FHOD1: variants seen among roughly 807,000 people sequenced by gnomAD.
FHOD1 encodes the protein formin homology 2 domain containing 1.
In FHOD1, 89 loss-of-function variants were observed where a neutral mutation model predicts 111.6. The ratio of observed to expected loss-of-function variants is 0.80; its 90% CI spans 0.67 to 0.95. The LOEUF is 0.95. FHOD1 is among the 40% of genes least tolerant of loss of function. FHOD1 has a pLI of 0.00. For synonymous variants in FHOD1, 618 were observed against 639.0 expected, an observed-to-expected ratio of 0.97 and a Z score of 0.50; for missense variants, 1,446 against 1,554.2, an observed-to-expected ratio of 0.93 and a Z score of 1.17.
rs1343899040 is a variant in FHOD1, at chr16:67,231,111, A to AAGGGGGAGGAGCC, written c.2667+64_2667+76dup. On this transcript the variant is annotated intron_variant, in intron 17 of 21. Coordinates refer to ENST00000258201, the MANE Select transcript of FHOD1 (RefSeq NM_013241.3). This position sits in a 1 kb window ranked among gnomAD's most constrained non-coding sequence, Gnocchi z 4.3. ...CTGGCACAGCAGCCCAAATGGGGAG[A>AAGGGGGAGGAGCC]AGGGGGAGGAGCCAGGCCCAGGAAG... 1 of 1,558,848 alleles carries AAGGGGGAGGAGCC rather than the reference A, an allele frequency of 6.4e-7. No homozygotes were observed. The highest frequency in any genetic ancestry group is 2.3e-5 in the East Asian group (1 of 44,380).
rs753689172 is a variant in FHOD1 at position 67,234,250 on chromosome 16, C to A, written c.1453G>T (p.Asp485Tyr). ...GGHPDARQLW[D>Y]SPETAPAART... ...GCTGCAGGGGCTGTCTCTGGGGAGT[C>A]CCAGAGTTGCCGGGCATCTAAAGAA... The change falls in exon 13 of 22, where the codon GAC (aspartate) becomes TAC (tyrosine). Residue 485 changes from aspartate (D) to tyrosine (Y), a missense_variant. Physicochemically the swap from Asp to Tyr is radical, Grantham distance 160. This residue lies in a region of FHOD1 where 1,085 missense variants were observed against 1,108.8 expected (regional missense o/e 0.98). Coordinates refer to ENST00000258201, the MANE Select transcript of FHOD1 (RefSeq NM_013241.3). 4 of 1,559,076 alleles carry A rather than the reference C, an allele frequency of 2.6e-6. No individual in the cohort carries two copies. Among genetic ancestry groups the A allele is most frequent in the Non-Finnish European group, 3.5e-6 (4 of 1,149,132 alleles).
Position 67,231,405 on chromosome 16 carries a change from C to G in FHOD1, c.2505+25G>C. The G allele has an allele frequency of 1.9e-6, 3 of 1,613,582 alleles. No individual in the cohort carries two copies. Among genetic ancestry groups the G allele is most frequent in the Non-Finnish European group, 2.5e-6 (3 of 1,179,884 alleles). ...GTTGGCTCCAGAACCCTGACTCCCC[C>G]TAGTCCCCATGTACTCTCACTCACC... On this transcript the variant is annotated intron_variant, in intron 16 of 21. Coordinates refer to ENST00000258201, the MANE Select transcript of FHOD1 (RefSeq NM_013241.3). The surrounding 1 kb of genome is among the most constrained non-coding windows in gnomAD (Gnocchi z 4.3).
rs766696745 is a variant in FHOD1 at position 67,231,803 on chromosome 16, A to G, written c.2219T>C (p.Met740Thr). ...CTTCTGCCGCTCTTCCTCCGTGGGC[A>G]TCATGGTCAGTAGCTTCTGAGGATG... is the stretch of plus-strand genomic sequence containing the variant. The part of the protein sequence containing the change: ...KDGIEKLLTM[M>T]PTEEERQKIE... Residue 740 changes from methionine to threonine, a missense_variant, in exon 15 of 22, where the codon ATG (methionine) becomes ACG (threonine). Met to Thr is a moderately conservative substitution (Grantham distance 81, BLOSUM62 -1). Coordinates refer to ENST00000258201, the MANE Select transcript of FHOD1 (RefSeq NM_013241.3). The surrounding 1 kb of genome is among the most constrained non-coding windows in gnomAD (Gnocchi z 4.3). The G allele has an allele frequency of 2.5e-6, 4 of 1,613,980 alleles. No homozygotes were observed. In the African/African-American group the frequency reaches 4.0e-5, roughly 16 times the overall value.
At position 67,229,832 on chromosome 16, in the gene FHOD1, C is replaced by T. The variant is rs941911219; in HGVS notation, c.3373G>A (p.Ala1125Thr). Residue 1125 changes from alanine (A) to threonine (T), a missense_variant, in exon 21 of 22, where the codon GCT becomes ACT. By Grantham distance (58) the Ala-to-Thr change is moderately conservative (BLOSUM62 0). Transcript: ENST00000258201. ...CCGCGGGAACGCTTGCGTTCCCTAG[C>T]AGCTAAGGCACGAGGACTGCTCTTG... is the stretch of plus-strand genomic sequence containing the variant. ...VTKSSPRALA[A>T]RERKRSRGNR... 9.3e-6 allele frequency: 15 copies of T among 1,614,098 alleles called. No individual in the cohort carries two copies. The highest frequency in any genetic ancestry group is 3.3e-5 in the South Asian group (3 of 91,092).
Position 67,237,951 on chromosome 16 carries a change from C to T in FHOD1, c.642+83G>A. The T allele has an allele frequency of 1.4e-6, 2 of 1,481,278 alleles. No homozygotes were observed. Among genetic ancestry groups the T allele is most frequent in the Non-Finnish European group, 1.9e-6 (2 of 1,066,220 alleles). 91.8% of individuals were successfully genotyped at this position (1,481,278 alleles called of 1,614,324 possible). The stretch of plus-strand genomic sequence containing the variant: ...CAGAGGCCTCAGACTCACTCCCTTC[C>T]AGCTCACTTTGCAGAACAGGAAACT... On this transcript the variant is annotated intron_variant, in intron 6 of 21. Coordinates refer to ENST00000258201, the MANE Select transcript of FHOD1 (RefSeq NM_013241.3). The surrounding 1 kb of genome is among the most constrained non-coding windows in gnomAD (Gnocchi z 5.6).
At position 67,231,837 on chromosome 16, in the gene FHOD1, G is replaced by T; in HGVS notation, c.2203-18C>A. On this transcript the variant is annotated intron_variant, in intron 14 of 21. Coordinates refer to ENST00000258201, the MANE Select transcript of FHOD1 (RefSeq NM_013241.3). This position sits in a 1 kb window ranked among gnomAD's most constrained non-coding sequence, Gnocchi z 4.3. Reference sequence around the variant, plus strand: ...AGTAGCTTCTGAGGATGTAGCCAGAGCCTGACATGGCCCCCTCAATGCAGG... The same window carrying T: ...AGTAGCTTCTGAGGATGTAGCCAGATCCTGACATGGCCCCCTCAATGCAGG... 3 of 1,609,754 alleles carry T rather than the reference G, an allele frequency of 1.9e-6. No individual in the cohort carries two copies. The highest frequency in any genetic ancestry group is 2.5e-6 in the Non-Finnish European group (3 of 1,177,556).
At chr16:67,244,754 C>T (rs2034764608) in intron 1 of FHOD1, among the ~76,000 whole-genome samples, 1 of 152,146 alleles carries the variant, frequency 6.6e-6, no homozygotes, top group Admixed American at 6.5e-5. Context: ...TTGGCTGTGT[C>T]CTGTCCTCTG....
rs1320140209 is a variant in FHOD1, at chr16:67,236,640, G to T, written c.1236C>A (p.Ser412=). ...GPASSPVGPP[S]GLQASVNLFP... is the part of the protein sequence containing the mutation. ...AAAGGTTCACTGAAGCTTGGAGACCGGAGGGAGGGCCCACAGGGCTGGAGG... is the reference window on the plus strand; with the variant it reads ...AAAGGTTCACTGAAGCTTGGAGACCTGAGGGAGGGCCCACAGGGCTGGAGG... Residue 412 remains serine (S), a synonymous_variant, in exon 11 of 22, where the codon TCC becomes TCA. Transcript: ENST00000258201. 1 of 1,612,728 alleles carries T rather than the reference G, an allele frequency of 6.2e-7. No individual in the cohort carries two copies. Among genetic ancestry groups the T allele is most frequent in the Non-Finnish European group, 8.5e-7 (1 of 1,179,536 alleles).
In FHOD1 at chr16:67,229,471, C is replaced by A; in HGVS notation, c.*165G>T. On this transcript the variant is annotated 3_prime_UTR_variant, in exon 22 of 22. Transcript: ENST00000258201. ...GCACATGCATATGCATGCACACACA[C>A]ACATACACACACACTCACATGCATA... is the stretch of plus-strand genomic sequence containing the variant. 1.5e-6 allele frequency: 1 copy of A among 659,234 alleles called. No homozygotes were observed. Among genetic ancestry groups the A allele is most frequent in the Non-Finnish European group, 2.7e-6 (1 of 363,706 alleles). The allele number at this position is 659,234 out of a possible 1,614,324, so 40.8% of individuals were successfully genotyped here. A position where few individuals can be genotyped will look rare whatever the true frequency, so the allele number is the denominator to read the frequency against.
Position 67,247,243 on chromosome 16 carries a change from G to A in FHOD1, c.168C>T (p.Pro56=). ...GCGCTCCCAGCAGGCGGTGCACCGC[G>A]GGTATCTGCGCGCCCAAGGGCAGCG... ...DGALPLGAQI[P]AVHRLLGAPL... The change falls in exon 1 of 22, where the codon CCC becomes CCT. Residue 56 remains proline (P), a synonymous_variant. Transcript: ENST00000258201. 1 of 1,605,278 alleles carries A rather than the reference G, an allele frequency of 6.2e-7. No homozygotes were observed. Among genetic ancestry groups the A allele is most frequent in the East Asian group, 2.2e-5 (1 of 44,478 alleles).
At position 67,234,167 on chromosome 16, in the gene FHOD1, T is replaced by A; in HGVS notation, c.1536A>T (p.Ala512=). The A allele has an allele frequency of 6.4e-7, 1 of 1,555,372 alleles. No individual in the cohort carries two copies. ...CVLLRAQRSL[A]PEPKEPLIPA... ...GTATCAGTGGCTCCTTGGGCTCTGG[T>A]GCAAGGCTTCGCTGGGCCCGGAGCA... is the stretch of plus-strand genomic sequence containing the variant. Residue 512 remains alanine, a synonymous_variant, in exon 13 of 22, where the codon GCA becomes GCT. Coordinates refer to ENST00000258201, the MANE Select transcript of FHOD1 (RefSeq NM_013241.3).
chr16:67,233,650 G>A lies in FHOD1; in HGVS notation c.2046+7C>T, dbSNP rs758867537. 2 of 1,585,026 alleles carry A rather than the reference G, an allele frequency of 1.3e-6. No homozygotes were observed. The highest frequency in any genetic ancestry group is 2.3e-5 in the East Asian group (1 of 44,222). On this transcript the variant is annotated splice_region_variant and intron_variant, in intron 13 of 21. Coordinates refer to ENST00000258201, the MANE Select transcript of FHOD1 (RefSeq NM_013241.3). The stretch of plus-strand genomic sequence containing the variant: ...CTTGGGGCTACCTTGCAGATGAGTG[G>A]ATTTACCTTGGAGGGCAGCACCTCT...
At position 67,231,824 on chromosome 16, in the gene FHOD1, G is replaced by A; in HGVS notation, c.2203-5C>T. ...GGGCATCATGGTCAGTAGCTTCTGA[G>A]GATGTAGCCAGAGCCTGACATGGCC... On this transcript the variant is annotated splice_region_variant and splice_polypyrimidine_tract_variant and intron_variant, in intron 14 of 21. Coordinates refer to ENST00000258201, the MANE Select transcript of FHOD1 (RefSeq NM_013241.3). The surrounding 1 kb of genome is among the most constrained non-coding windows in gnomAD (Gnocchi z 4.3). 1 of 1,613,084 alleles carries A rather than the reference G, an allele frequency of 6.2e-7. No individual in the cohort carries two copies. Among genetic ancestry groups the A allele is most frequent in the African/African-American group, 1.3e-5 (1 of 75,040 alleles).
Position 67,232,055 on chromosome 16 carries a change from C to G in FHOD1, c.2186G>C (p.Ser729Thr), listed in dbSNP as rs1298457316. Residue 729 changes from serine to threonine, a missense_variant, in exon 14 of 22, where the codon AGC (serine) becomes ACC (threonine). This residue lies in a region of FHOD1 where 1,085 missense variants were observed against 1,108.8 expected (regional missense o/e 0.98). Coordinates refer to ENST00000258201, the MANE Select transcript of FHOD1 (RefSeq NM_013241.3). ...ALLNFDEFAV[S>T]KDGIEKLLTM... ...TGACCTCACCTCAATGCCATCCTTGCTGACAGCAAACTCATCAAAGTTGAG... is the reference window on the plus strand; with the variant it reads ...TGACCTCACCTCAATGCCATCCTTGGTGACAGCAAACTCATCAAAGTTGAG... The G allele has an allele frequency of 1.2e-6, 2 of 1,614,226 alleles. No homozygotes were observed. The highest frequency in any genetic ancestry group is 1.7e-6 in the Non-Finnish European group (2 of 1,180,030).
chr16:67,232,157 A>G lies in FHOD1; in HGVS notation c.2084T>C (p.Leu695Pro). 6.2e-7 allele frequency: 1 copy of G among 1,614,202 alleles called. No individual in the cohort carries two copies. Among genetic ancestry groups the G allele is most frequent in the Non-Finnish European group, 8.5e-7 (1 of 1,180,038 alleles). Residue 695 changes from leucine to proline, a missense_variant, in exon 14 of 22, where the codon CTG becomes CCG. Around this residue, in one of 3 missense-constraint regions of FHOD1, gnomAD observed 1,085 missense variants for 1,108.8 expected, o/e 0.98. Coordinates refer to ENST00000258201, the MANE Select transcript of FHOD1 (RefSeq NM_013241.3). ...GATGGCGTTGCTGCGCTTGGGGTCC[A>G]GCACTGTGGTCATTGTCCGGCGGCC... ...GEGRRTMTTV[L>P]DPKRSNAINI...
Position 67,238,177 on chromosome 16 carries a change from G to T in FHOD1, c.547+25C>A, listed in dbSNP as rs1276461173. On this transcript the variant is annotated intron_variant, in intron 5 of 21. Transcript: ENST00000258201. This position sits in a 1 kb window ranked among gnomAD's most constrained non-coding sequence, Gnocchi z 4.2. ...GTCAGCGAGGGTCGCTGGAGCAGAG[G>T]TCATGGGAGAGGGGCGGGGCTGACC... 1 of 1,614,050 alleles carries T rather than the reference G, an allele frequency of 6.2e-7. No homozygotes were observed. Among genetic ancestry groups the T allele is most frequent in the African/African-American group, 1.3e-5 (1 of 75,054 alleles).
In FHOD1 at chr16:67,238,817, C is replaced by T; in HGVS notation, c.373+86G>A. 2 of 1,334,742 alleles carry T rather than the reference C, an allele frequency of 1.5e-6. No homozygotes were observed. Among genetic ancestry groups the T allele is most frequent in the Non-Finnish European group, 2.2e-6 (2 of 925,944 alleles). 82.7% of individuals were successfully genotyped at this position (1,334,742 alleles called of 1,614,324 possible). A position where few individuals can be genotyped will look rare whatever the true frequency, so the allele number is the denominator to read the frequency against. ...AGCACATACAGCTAAACCTACTTTG[C>T]TCACTGTTCAGCACAGGCCTGAAGG... On this transcript the variant is annotated intron_variant, in intron 3 of 21. Transcript: ENST00000258201. The surrounding 1 kb of genome is among the most constrained non-coding windows in gnomAD (Gnocchi z 4.2).
In FHOD1 at chr16:67,247,228, C is replaced by T. The variant is rs200828057; in HGVS notation, c.183G>A (p.Leu61=). 2 of 1,594,798 alleles carry T rather than the reference C, an allele frequency of 1.3e-6. No homozygotes were observed. Among genetic ancestry groups the T allele is most frequent in the Admixed American group, 3.5e-5 (2 of 57,908 alleles). The change falls in exon 1 of 22, where the codon CTG becomes CTA. Residue 61 remains leucine (L), a synonymous_variant. Coordinates refer to ENST00000258201, the MANE Select transcript of FHOD1 (RefSeq NM_013241.3). ...CCCTCACCTTGAGCGGCGCTCCCAG[C>T]AGGCGGTGCACCGCGGGTATCTGCG... ...LGAQIPAVHR[L]LGAPLKLEDC...
At chr16:67,236,271 A>C in intron 11 of FHOD1, 1 of 863,832 alleles carries the variant, frequency 1.2e-6, no homozygotes, top group East Asian at 4.0e-5. Flanking sequence ...AGACAGAGGC[A>C]GCAGAACAAG....
Sources: allele counts gnomAD v4.1 joint callset (sites outside exome capture counted in the v4.1 genomes callset), GRCh38; gene constraint gnomAD v4.1.1; regional missense constraint gnomAD v4.1.1; non-coding constraint Gnocchi (gnomAD v3.1); transcripts MANE v1.5; gene names NCBI Gene and HGNC (gene_info 2026-07-23, HGNC 2026-07-21).